Variants in TTLL11 observed in about 807,000 individuals in gnomAD.
The protein encoded by TTLL11 is tubulin polyglutamylase TTLL11.
Under a neutral mutation model 51.7 loss-of-function variants are expected in TTLL11, and 42 were observed. The ratio of observed to expected loss-of-function variants is 0.81; its 90% CI spans 0.64 to 1.05. The LOEUF (loss-of-function observed/expected upper bound fraction) is 1.05, where lower values mean the gene tolerates loss of function less well. Among genes scored for constraint, TTLL11 ranks in the 50% least tolerant of loss-of-function variants. The pLI, the probability that TTLL11 is intolerant of heterozygous loss-of-function variation, is 0.00. For missense variants in TTLL11, 799 were observed against 940.4 expected (o/e 0.85, Z 1.97); for synonymous variants, 381 against 383.5 (o/e 0.99, Z 0.08).
chr9:121,826,427 G>T (rs1836775350), intron 8 of TTLL11, among the ~76,000 whole-genome samples: 1 of 121,064 alleles, frequency 8.3e-6, no homozygotes, highest in Admixed American at 8.5e-5. Flanking sequence ...TATATATATG[G>T]GTTTTACATA....
At chr9:121,868,961 C>A (rs1286239664) in intron 7 of TTLL11, among the ~76,000 whole-genome samples, 3 of 152,210 alleles carry the variant, frequency 2.0e-5, no homozygotes, top group African/African-American at 4.8e-5. Context: ...CATAACAAAT[C>A]CTGCAAGGCA....
intron 6 of TTLL11, among the ~76,000 whole-genome samples, chr9:121,936,178 GGACAA>G (rs1477056051): frequency 6.6e-6 from 1 of 152,020 alleles, no homozygotes; most frequent in Admixed American, 6.6e-5. Context: ...CCAGTTCTTA[GGACAA>G]GCTGAAATAA....
intron 3 of TTLL11, among the ~76,000 whole-genome samples, chr9:122,005,489 GCA>G (rs1843616546): frequency 6.6e-6 from 1 of 152,166 alleles, no homozygotes; most frequent in African/African-American, 2.4e-5. Flanking sequence ...AAGGTTGCCT[GCA>G]GGGTGGCATT....
chr9:121,905,514 G>A (rs1839913397), intron 6 of TTLL11, among the ~76,000 whole-genome samples: 1 of 152,016 alleles, frequency 6.6e-6, no homozygotes, highest in African/African-American at 2.4e-5. Context: ...ATCAAGCCTG[G>A]CTAATTTTTT....
intron 3 of TTLL11, among the ~76,000 whole-genome samples, chr9:122,001,886 A>G (rs1843479309): frequency 6.6e-6 from 1 of 152,224 alleles, no homozygotes; most frequent in Non-Finnish European, 1.5e-5. Context: ...TTAAATTTCA[A>G]GGAGAAGCAC....
chr9:121,901,649 G>A (rs1385875698), intron 6 of TTLL11, among the ~76,000 whole-genome samples: 1 of 151,798 alleles, frequency 6.6e-6, no homozygotes, highest in African/African-American at 2.4e-5. Flanking sequence ...TTGCCCTGCG[G>A]GATGGGTTTT....
At chr9:121,897,643 C>CGT (rs973555464) in intron 6 of TTLL11, among the ~76,000 whole-genome samples, 1 of 150,398 alleles carries the variant, frequency 6.6e-6, no homozygotes, top group East Asian at 1.9e-4. Flanking sequence ...CACACACACG[C>CGT]GCGCGCGAAG....
chr9:121,989,539 G>A lies in TTLL11; in HGVS notation c.925C>T (p.Pro309Ser). 1 of 1,614,056 alleles carries A rather than the reference G, an allele frequency of 6.2e-7. No individual in the cohort carries two copies. The highest frequency in any genetic ancestry group is 8.5e-7 in the Non-Finnish European group (1 of 1,180,024). Residue 309 changes from proline (P) to serine (S), a missense_variant, in exon 4 of 9, where the codon CCC (proline) becomes TCC (serine). This residue lies in a region of TTLL11 where 468 missense variants were observed against 612.8 expected (regional missense o/e 0.76). Transcript: ENST00000321582. This position sits in a 1 kb window ranked among gnomAD's most constrained non-coding sequence, Gnocchi z 4.2. Reference sequence around the variant, plus strand: ...TCTTTGGCTATATAAATCTCTAAGGGGTCTAAGGACTTGAGTAAGACATAC... The same window carrying A: ...TCTTTGGCTATATAAATCTCTAAGGAGTCTAAGGACTTGAGTAAGACATAC... ...RLYVLLKSLD[P>S]LEIYIAKDGL...
intron 1 of TTLL11, among the ~76,000 whole-genome samples, chr9:122,053,685 G>A (rs1304896865): frequency 6.6e-6 from 1 of 152,174 alleles, no homozygotes; most frequent in African/African-American, 2.4e-5. Flanking sequence ...GTATGCGCAG[G>A]GAGCAGGGCT....
intron 3 of TTLL11, among the ~76,000 whole-genome samples, chr9:122,001,771 A>G (rs1037473611): frequency 2.0e-5 from 3 of 152,188 alleles, no homozygotes; most frequent in African/African-American, 7.2e-5. Context: ...GAGCCTGGTC[A>G]GGGCAGCCAA....
chr9:121,939,419 T>C (rs1397378449), intron 6 of TTLL11, among the ~76,000 whole-genome samples: 1 of 152,190 alleles, frequency 6.6e-6, no homozygotes, highest in East Asian at 1.9e-4. Flanking sequence ...GTATCATTTA[T>C]ATAAAATGAT....
rs1296375346 is a variant in TTLL11, at chr9:122,026,679, AT to A, written c.693+5043del. On this transcript the variant is annotated intron_variant, in intron 3 of 8. Transcript: ENST00000321582. ...ACTAGGCTCTCTGCAGAGTCTCAAA[AT>A]ATCTCCTTACTAGACACTTAGTAAT... Among the ~76,000 whole-genome samples the A allele has an allele frequency of 8.5e-5, 13 of 152,120 alleles. 1 individual carries two copies. The highest frequency in any genetic ancestry group is 1.9e-4 in the Non-Finnish European group (13 of 68,008).
At chr9:122,077,282 A>G (rs1214828510) in intron 1 of TTLL11, among the ~76,000 whole-genome samples, 1 of 152,208 alleles carries the variant, frequency 6.6e-6, no homozygotes, top group African/African-American at 2.4e-5. Flanking sequence ...TAATTTGTGA[A>G]GTTCAAAAAA....
intron 8 of TTLL11, among the ~76,000 whole-genome samples, chr9:121,847,071 G>A (rs1335882789): frequency 1.3e-5 from 2 of 152,084 alleles, no homozygotes; most frequent in African/African-American, 2.4e-5. Flanking sequence ...TTAGCCAGGC[G>A]TGGTGGCTGG....
intron 3 of TTLL11, among the ~76,000 whole-genome samples, chr9:121,993,461 T>C (rs1316807605): frequency 6.6e-6 from 1 of 152,262 alleles, no homozygotes; most frequent in Non-Finnish European, 1.5e-5. Context: ...CTTTCTGGGC[T>C]TTGTTGTAGT....
intron 2 of TTLL11, 139 bp from the exon 3 acceptor site, chr9:122,031,995 T>G: frequency 8.3e-7 from 1 of 1,202,154 alleles, no homozygotes. Context: ...TCTGAGTTGT[T>G]CCCCACAGCG....
At chr9:121,851,698 C>G (rs568250920) in intron 8 of TTLL11, among the ~76,000 whole-genome samples, 4 of 152,302 alleles carry the variant, frequency 2.6e-5, no homozygotes, top group Middle Eastern at 3.4e-3. Context: ...TTCCACAGCT[C>G]TAAATCTGGA....
intron 1 of TTLL11, among the ~76,000 whole-genome samples, chr9:122,089,712 G>A (rs1211030478): frequency 6.6e-6 from 1 of 152,196 alleles, no homozygotes; most frequent in Non-Finnish European, 1.5e-5. Context: ...ACTTCATGCA[G>A]TAATGAGGAA....
At position 122,093,257 on chromosome 9, in the gene TTLL11, C is replaced by A; in HGVS notation, c.-109G>T. ...CGCTGCAGCCGCTGCCACGCGTTCCCCGCCCGAGCCCGTTGCCATGATCGC... is the reference window on the plus strand; with the variant it reads ...CGCTGCAGCCGCTGCCACGCGTTCCACGCCCGAGCCCGTTGCCATGATCGC... On this transcript the variant is annotated 5_prime_UTR_variant, in exon 1 of 9. Coordinates refer to ENST00000321582, the MANE Select transcript of TTLL11 (RefSeq NM_001139442.2). The A allele has an allele frequency of 6.6e-7, 1 of 1,521,746 alleles. No individual in the cohort carries two copies. Among genetic ancestry groups the A allele is most frequent in the East Asian group, 2.6e-5 (1 of 38,964 alleles). The allele number at this position is 1,521,746 out of a possible 1,614,324, so 94.3% of individuals were successfully genotyped here. A position where few individuals can be genotyped will look rare whatever the true frequency, so the allele number is the denominator to read the frequency against.
Sources: gnomAD v4.1 joint callset for allele counts (sites outside exome capture counted in the v4.1 genomes callset) on GRCh38, gnomAD v4.1.1 for gene constraint, gnomAD v4.1.1 regional missense constraint, Gnocchi (gnomAD v3.1) non-coding constraint, MANE v1.5 for transcripts, NCBI Gene and HGNC (gene_info 2026-07-23, HGNC 2026-07-21) for gene names.